CDPF1: variants seen among roughly 807,000 people sequenced by gnomAD.
CDPF1 encodes the protein cysteine rich DPF motif domain containing 1.
In CDPF1, 8 loss-of-function variants were observed where a neutral mutation model predicts 8.3. The observed-to-expected ratio is 0.96, with a 90% confidence interval of 0.57 to 1.74. The LOEUF (loss-of-function observed/expected upper bound fraction) is 1.74. CDPF1 is among the 40% of genes most tolerant of loss of function. CDPF1 has a pLI of 0.00. For synonymous variants in CDPF1, 62 were observed against 62.9 expected, an observed-to-expected ratio of 0.99 and a Z score of 0.07; for missense variants, 151 against 155.3, an observed-to-expected ratio of 0.97 and a Z score of 0.15.
rs1050906574 is a variant in CDPF1 at position 46,244,209 on chromosome 22, C to G, written c.*883G>C. On this transcript the variant is annotated 3_prime_UTR_variant, in exon 4 of 4. Transcript: ENST00000314567. The surrounding 1 kb of genome is among the most constrained non-coding windows in gnomAD (Gnocchi z 6.7). Reference sequence around the variant, plus strand: ...TGGAGTAGGGGGGTGCTGCAGGAACCCCCGGCAGGCAGTGGGGCCAGGCTT... The same window carrying G: ...TGGAGTAGGGGGGTGCTGCAGGAACGCCCGGCAGGCAGTGGGGCCAGGCTT... 9.8e-5 allele frequency: 15 copies of G among 152,518 alleles called. No homozygotes were observed. The highest frequency in any genetic ancestry group is 3.6e-4 in the African/African-American group (15 of 41,486). The allele number at this position is 152,518 out of a possible 1,614,324, so 9.4% of individuals were successfully genotyped here.
chr22:46,250,090 G>A (rs113577809), intron 1 of CDPF1, among the ~76,000 whole-genome samples, 166 bp downstream of exon 1: 7 of 152,328 alleles, frequency 4.6e-5, no homozygotes, highest in African/African-American at 1.7e-4. Flanking sequence ...CCCGCTTCTC[G>A]GTCCCGTCCC....
Position 46,247,038 on chromosome 22 carries a change from C to T in CDPF1, c.225+72G>A, listed in dbSNP as rs1936500734. ...ACCCGCTGCTCCCTCTCTCCCAGCC[C>T]TCCCTACCCAGGGAGAGCTCCAGGA... On this transcript the variant is annotated intron_variant, in intron 3 of 3. Coordinates refer to ENST00000314567, the MANE Select transcript of CDPF1 (RefSeq NM_207327.5). This position sits in a 1 kb window ranked among gnomAD's most constrained non-coding sequence, Gnocchi z 4.3. The T allele has an allele frequency of 7.2e-7, 1 of 1,393,018 alleles. No individual in the cohort carries two copies. Among genetic ancestry groups the T allele is most frequent in the Non-Finnish European group, 1.0e-6 (1 of 997,550 alleles). 86.3% of individuals were successfully genotyped at this position (1,393,018 alleles called of 1,614,324 possible).
In CDPF1 at chr22:46,247,836, G is replaced by A. The variant is rs1214647418; in HGVS notation, c.113+336C>T. Among the ~76,000 whole-genome samples the A allele has an allele frequency of 6.6e-6, 1 of 152,244 alleles. No individual in the cohort carries two copies. Among genetic ancestry groups the A allele is most frequent in the Non-Finnish European group, 1.5e-5 (1 of 68,050 alleles). On this transcript the variant is annotated intron_variant, in intron 2 of 3. Coordinates refer to ENST00000314567, the MANE Select transcript of CDPF1 (RefSeq NM_207327.5). The surrounding 1 kb of genome is among the most constrained non-coding windows in gnomAD (Gnocchi z 4.3). ...CCCCTGACCCACTGGCTCTAATCCAGGTCTGCAGGGGAGACAGGCCTCCCA... is the reference window on the plus strand; with the variant it reads ...CCCCTGACCCACTGGCTCTAATCCAAGTCTGCAGGGGAGACAGGCCTCCCA...
chr22:46,245,131 T>C lies in CDPF1; in HGVS notation c.333A>G (p.Pro111=). Residue 111 remains proline, a synonymous_variant, in exon 4 of 4, where the codon CCA becomes CCG. Coordinates refer to ENST00000314567, the MANE Select transcript of CDPF1 (RefSeq NM_207327.5). This position sits in a 1 kb window ranked among gnomAD's most constrained non-coding sequence, Gnocchi z 6.9. ...CGGGCTGGCTGGGGGTCCTCTTTGA[T>C]GGAGCTTTCCTTTTCTCCAAGTCTT... The part of the protein sequence containing the change: ...IRQDLEKRKA[P]SKRTPSQPGS... 1.9e-6 allele frequency: 3 copies of C among 1,614,236 alleles called. No individual in the cohort carries two copies. Among genetic ancestry groups the C allele is most frequent in the African/African-American group, 1.3e-5 (1 of 75,070 alleles).
At position 46,246,383 on chromosome 22, in the gene CDPF1, G is replaced by C. The variant is rs1036039960; in HGVS notation, c.225+727C>G. Among the ~76,000 whole-genome samples, 2 of 151,982 alleles carry C rather than the reference G, an allele frequency of 1.3e-5. No individual in the cohort carries two copies. The highest frequency in any genetic ancestry group is 4.8e-5 in the African/African-American group (2 of 41,356). On this transcript the variant is annotated intron_variant, in intron 3 of 3. Transcript: ENST00000314567. This position sits in a 1 kb window ranked among gnomAD's most constrained non-coding sequence, Gnocchi z 7.1. Reference sequence around the variant, plus strand: ...TCCTGGACCACCAGCTCCTCCATGAGCCTCAGATACTCCCATGCCACACTG... The same window carrying C: ...TCCTGGACCACCAGCTCCTCCATGACCCTCAGATACTCCCATGCCACACTG...
chr22:46,246,894 C>A lies in CDPF1; in HGVS notation c.225+216G>T. On this transcript the variant is annotated intron_variant, in intron 3 of 3. Transcript: ENST00000314567. This position sits in a 1 kb window ranked among gnomAD's most constrained non-coding sequence, Gnocchi z 7.1. ...CCCTGAGGGGCCACTGGGGTGGGTG[C>A]AGAGCCACCAATTACCTATTTCCAT... The A allele has an allele frequency of 6.8e-7, 1 of 1,479,282 alleles. No individual in the cohort carries two copies. Among genetic ancestry groups the A allele is most frequent in the Non-Finnish European group, 9.1e-7 (1 of 1,100,058 alleles). 91.6% of individuals were successfully genotyped at this position (1,479,282 alleles called of 1,614,324 possible).
rs576207174 is a variant in CDPF1, at chr22:46,247,897, G to A, written c.113+275C>T. Among the ~76,000 whole-genome samples the A allele has an allele frequency of 4.5e-3, 678 of 152,328 alleles. 9 individuals carry two copies. Among genetic ancestry groups the A allele is most frequent in the African/African-American group, 0.015 (637 of 41,576 alleles). On this transcript the variant is annotated intron_variant, in intron 2 of 3. Transcript: ENST00000314567. The surrounding 1 kb of genome is among the most constrained non-coding windows in gnomAD (Gnocchi z 4.3). ...GTCATGGCAAGGGTGCAGCCCCAAA[G>A]GGGGAGGCCACCACAGGTCCCCCAG...
rs1212724878 is a variant in CDPF1 at position 46,248,848 on chromosome 22, C to T, written c.1-564G>A. The stretch of plus-strand genomic sequence containing the variant: ...ATCTAGCTAACATGGTGAAACCCCG[C>T]CTCTACTAAAAATACAAAAAATTAG... On this transcript the variant is annotated intron_variant, in intron 1 of 3. Transcript: ENST00000314567. This position sits in a 1 kb window ranked among gnomAD's most constrained non-coding sequence, Gnocchi z 4.1. Among the ~76,000 whole-genome samples, 6 of 152,080 alleles carry T rather than the reference C, an allele frequency of 3.9e-5. No homozygotes were observed. In the East Asian group the frequency reaches 9.6e-4, roughly 24 times the overall value.
Position 46,247,535 on chromosome 22 carries a change from C to G in CDPF1, c.114-314G>C, listed in dbSNP as rs9627278. 0.23 allele frequency among the ~76,000 whole-genome samples: 34,458 copies of G among 152,128 alleles called. 4,869 individuals carry two copies. Among genetic ancestry groups the G allele is most frequent in the African/African-American group, 0.39 (16,150 of 41,462 alleles). On this transcript the variant is annotated intron_variant, in intron 2 of 3. Transcript: ENST00000314567. This position sits in a 1 kb window ranked among gnomAD's most constrained non-coding sequence, Gnocchi z 4.3. ...CCCCCAGACCCTGACTGATTCACCACAGTGGGGGCACAAGGCTGCCACCTG... is the reference window on the plus strand; with the variant it reads ...CCCCCAGACCCTGACTGATTCACCAGAGTGGGGGCACAAGGCTGCCACCTG...
Position 46,246,276 on chromosome 22 carries a change from G to A in CDPF1, c.225+834C>T, listed in dbSNP as rs569125234. 1.8e-3 allele frequency among the ~76,000 whole-genome samples: 252 copies of A among 143,410 alleles called. 1 individual carries two copies. Among genetic ancestry groups the A allele is most frequent in the African/African-American group, 6.4e-3 (246 of 38,568 alleles). 94.1% of individuals were successfully genotyped at this position (143,410 alleles called of 152,430 possible). A position where few individuals can be genotyped will look rare whatever the true frequency, so the allele number is the denominator to read the frequency against. On this transcript the variant is annotated intron_variant, in intron 3 of 3. Coordinates refer to ENST00000314567, the MANE Select transcript of CDPF1 (RefSeq NM_207327.5). This position sits in a 1 kb window ranked among gnomAD's most constrained non-coding sequence, Gnocchi z 7.1. ...GCCACCCCGCTGCTCACGAAGAGCAGCCCAAGGCCAAGGTGTTGCATTCAA... is the reference window on the plus strand; with the variant it reads ...GCCACCCCGCTGCTCACGAAGAGCAACCCAAGGCCAAGGTGTTGCATTCAA...
At position 46,247,048 on chromosome 22, in the gene CDPF1, AG is replaced by A; in HGVS notation, c.225+61del. ...CCCTCTCTCCCAGCCCTCCCTACCCAGGGAGAGCTCCAGGATAACCACAGCA... is the reference window on the plus strand; with the variant it reads ...CCCTCTCTCCCAGCCCTCCCTACCCAGGAGAGCTCCAGGATAACCACAGCA... On this transcript the variant is annotated intron_variant, in intron 3 of 3. Transcript: ENST00000314567. The surrounding 1 kb of genome is among the most constrained non-coding windows in gnomAD (Gnocchi z 4.3). 7.0e-7 allele frequency: 1 copy of A among 1,436,366 alleles called. No individual in the cohort carries two copies. Among genetic ancestry groups the A allele is most frequent in the Non-Finnish European group, 9.7e-7 (1 of 1,031,544 alleles). The allele number at this position is 1,436,366 out of a possible 1,614,324, so 89.0% of individuals were successfully genotyped here.
Position 46,245,352 on chromosome 22 carries a change from C to G in CDPF1, c.226-114G>C. 1 of 1,106,498 alleles carries G rather than the reference C, an allele frequency of 9.0e-7. No individual in the cohort carries two copies. Among genetic ancestry groups the G allele is most frequent in the East Asian group, 2.4e-5 (1 of 40,842 alleles). 68.5% of individuals were successfully genotyped at this position (1,106,498 alleles called of 1,614,324 possible). Reference sequence around the variant, plus strand: ...GGCTGGGCTGGGGCCCCAGCATGCACAGTGTGGGCAGGTGGCCAGAGCTAG... The same window carrying G: ...GGCTGGGCTGGGGCCCCAGCATGCAGAGTGTGGGCAGGTGGCCAGAGCTAG... On this transcript the variant is annotated intron_variant, in intron 3 of 3. Transcript: ENST00000314567. The surrounding 1 kb of genome is among the most constrained non-coding windows in gnomAD (Gnocchi z 6.9).
rs756991683 is a variant in CDPF1 at position 46,246,702 on chromosome 22, T to G, written c.225+408A>C. 1 of 1,593,690 alleles carries G rather than the reference T, an allele frequency of 6.3e-7. No individual in the cohort carries two copies. The highest frequency in any genetic ancestry group is 8.5e-7 in the Non-Finnish European group (1 of 1,170,458). ...CTAAGGGGCAGGACTGAATGAAGCCTCAGCAGTAAAACAGGTCCCAAGCAC... is the reference window on the plus strand; with the variant it reads ...CTAAGGGGCAGGACTGAATGAAGCCGCAGCAGTAAAACAGGTCCCAAGCAC... On this transcript the variant is annotated intron_variant, in intron 3 of 3. Coordinates refer to ENST00000314567, the MANE Select transcript of CDPF1 (RefSeq NM_207327.5). The surrounding 1 kb of genome is among the most constrained non-coding windows in gnomAD (Gnocchi z 7.1).
In CDPF1 at chr22:46,248,310, C is replaced by G; in HGVS notation, c.1-26G>C. The G allele has an allele frequency of 6.7e-7, 1 of 1,481,540 alleles. No individual in the cohort carries two copies. The highest frequency in any genetic ancestry group is 9.4e-7 in the Non-Finnish European group (1 of 1,064,748). The allele number at this position is 1,481,540 out of a possible 1,614,324, so 91.8% of individuals were successfully genotyped here. ...CTGCAAGATCAAGAGATGGGGTGTCCCTGGGTCACAGGCTTTCTCAGGAAT... is the reference window on the plus strand; with the variant it reads ...CTGCAAGATCAAGAGATGGGGTGTCGCTGGGTCACAGGCTTTCTCAGGAAT... On this transcript the variant is annotated intron_variant, in intron 1 of 3. Coordinates refer to ENST00000314567, the MANE Select transcript of CDPF1 (RefSeq NM_207327.5). The surrounding 1 kb of genome is among the most constrained non-coding windows in gnomAD (Gnocchi z 4.1).
In CDPF1 at chr22:46,245,015, C is replaced by A. The variant is rs1936464034; in HGVS notation, c.*77G>T. 1 of 1,562,524 alleles carries A rather than the reference C, an allele frequency of 6.4e-7. No homozygotes were observed. Among genetic ancestry groups the A allele is most frequent in the Admixed American group, 1.8e-5 (1 of 56,192 alleles). On this transcript the variant is annotated 3_prime_UTR_variant, in exon 4 of 4. Transcript: ENST00000314567. This position sits in a 1 kb window ranked among gnomAD's most constrained non-coding sequence, Gnocchi z 6.9. Reference sequence around the variant, plus strand: ...CAAGGCCAGGCATGGCGGCTCCCAGCTCAGCAGCATCCCTGGCGCAGGCTG... The same window carrying A: ...CAAGGCCAGGCATGGCGGCTCCCAGATCAGCAGCATCCCTGGCGCAGGCTG...
rs926845035 is a variant in CDPF1, at chr22:46,249,636, G to A, written c.-1+620C>T. ...TGTACTCCAGCCTGGGCGACAGGGCGAGACTCCTTCTCAAAAAAATAAAAA... is the reference window on the plus strand; with the variant it reads ...TGTACTCCAGCCTGGGCGACAGGGCAAGACTCCTTCTCAAAAAAATAAAAA... On this transcript the variant is annotated intron_variant, in intron 1 of 3. Transcript: ENST00000314567. This position sits in a 1 kb window ranked among gnomAD's most constrained non-coding sequence, Gnocchi z 4.6. 5.3e-5 allele frequency among the ~76,000 whole-genome samples: 8 copies of A among 151,956 alleles called. No individual in the cohort carries two copies. Among genetic ancestry groups the A allele is most frequent in the Non-Finnish European group, 8.8e-5 (6 of 68,008 alleles).
chr22:46,248,263 G>C lies in CDPF1; in HGVS notation c.22C>G (p.Arg8Gly). Residue 8 changes from arginine (R) to glycine (G), a missense_variant, in exon 2 of 4, where the codon CGT becomes GGT. Physicochemically the swap from Arg to Gly is moderately radical, Grantham distance 125. Coordinates refer to ENST00000314567, the MANE Select transcript of CDPF1 (RefSeq NM_207327.5). The surrounding 1 kb of genome is among the most constrained non-coding windows in gnomAD (Gnocchi z 4.1). MASHVECRPLGVFECELC... is the reference protein window; with the variant it reads MASHVECGPLGVFECELC... ...TCACACTCAAACACTCCCAGAGGAC[G>C]GCACTCTACATGGGACGCCATCTGC... 6.2e-7 allele frequency: 1 copy of C among 1,613,162 alleles called. No individual in the cohort carries two copies. The highest frequency in any genetic ancestry group is 8.5e-7 in the Non-Finnish European group (1 of 1,179,500).
chr22:46,246,587 GC>G lies in CDPF1; in HGVS notation c.225+522del. 1 of 1,481,628 alleles carries G rather than the reference GC, an allele frequency of 6.7e-7. No homozygotes were observed. The highest frequency in any genetic ancestry group is 9.1e-7 in the Non-Finnish European group (1 of 1,101,790). 91.8% of individuals were successfully genotyped at this position (1,481,628 alleles called of 1,614,324 possible). On this transcript the variant is annotated intron_variant, in intron 3 of 3. Coordinates refer to ENST00000314567, the MANE Select transcript of CDPF1 (RefSeq NM_207327.5). The surrounding 1 kb of genome is among the most constrained non-coding windows in gnomAD (Gnocchi z 7.1). ...ACTTCCATCCGTCCTTGGGTTTACA[GC>G]TACCCAGGTGAACCTGGCCCACCCA...
Position 46,247,377 on chromosome 22 carries a change from A to T in CDPF1, c.114-156T>A, listed in dbSNP as rs1936507862. ...CAGGGGACTAGGCCACCCGTGCTGC[A>T]GGGCAGTGACAGAAAGGATCAGCAA... On this transcript the variant is annotated intron_variant, in intron 2 of 3. Transcript: ENST00000314567. This position sits in a 1 kb window ranked among gnomAD's most constrained non-coding sequence, Gnocchi z 4.3. Among the ~76,000 whole-genome samples, 1 of 152,206 alleles carries T rather than the reference A, an allele frequency of 6.6e-6. No individual in the cohort carries two copies. The highest frequency in any genetic ancestry group is 1.5e-5 in the Non-Finnish European group (1 of 68,030).
Sources: gnomAD v4.1 joint callset for allele counts (sites outside exome capture counted in the v4.1 genomes callset) on GRCh38, gnomAD v4.1.1 for gene constraint, Gnocchi (gnomAD v3.1) non-coding constraint, MANE v1.5 for transcripts, NCBI Gene and HGNC (gene_info 2026-07-23, HGNC 2026-07-21) for gene names.